Variants in BAZ2B observed in about 807,000 individuals in gnomAD.
The protein encoded by BAZ2B is bromodomain adjacent to zinc finger domain 2B, also known as bromodomain adjacent to zinc finger domain protein 2B.
Under a neutral mutation model 246.0 loss-of-function variants are expected in BAZ2B, and 91 were observed. That is an observed-to-expected ratio of 0.37 (90% CI 0.31 to 0.44). The LOEUF is 0.44. Among genes scored for constraint, BAZ2B ranks in the 20% least tolerant of loss-of-function variants. BAZ2B has a pLI of 1.00. For missense variants in BAZ2B, 2,332 were observed against 2,533.7 expected, an observed-to-expected ratio of 0.92 and a Z score of 1.71; for synonymous variants, 855 against 860.0, an observed-to-expected ratio of 0.99 and a Z score of 0.10.
At chr2:159,338,282 A>G (rs1392701789) in intron 31 of BAZ2B, among the ~76,000 whole-genome samples, 1 of 152,130 alleles carries the variant, frequency 6.6e-6, no homozygotes, top group Non-Finnish European at 1.5e-5. Flanking sequence ...GTCTCATGTT[A>G]AGATTCACTT....
chr2:159,566,137 G>A (rs548388732), intron 1 of BAZ2B, among the ~76,000 whole-genome samples: 6 of 152,084 alleles, frequency 3.9e-5, no homozygotes, highest in East Asian at 1.9e-4. Flanking sequence ...TCAGCCTCCC[G>A]AGTAGTTGAG....
chr2:159,318,366 A>G (rs527590148), downstream of BAZ2B, among the ~76,000 whole-genome samples: 10 of 152,378 alleles, frequency 6.6e-5, no homozygotes, highest in African/African-American at 1.7e-4. Flanking sequence ...GATTTTTCAT[A>G]TAAGTCTTCA....
chr2:159,549,873 G>C (rs1234931212), intron 2 of BAZ2B, among the ~76,000 whole-genome samples: 6 of 150,292 alleles, frequency 4.0e-5, no homozygotes, highest in African/African-American at 1.5e-4. Context: ...GCCCAGGCTG[G>C]AGTGCAGTGG....
At chr2:159,601,721 C>T (rs1431130621) in intron 1 of BAZ2B, among the ~76,000 whole-genome samples, 1 of 150,814 alleles carries the variant, frequency 6.6e-6, no homozygotes, top group Non-Finnish European at 1.5e-5. Flanking sequence ...AACTCTGTCT[C>T]AAAATAAAAA....
At chr2:159,499,957 T>C (rs576648252) in intron 2 of BAZ2B, among the ~76,000 whole-genome samples, 1 of 152,306 alleles carries the variant, frequency 6.6e-6, no homozygotes, top group African/African-American at 2.4e-5. Flanking sequence ...TTTTCTCCCA[T>C]TTTGTAGGCT....
At chr2:159,636,013 T>C in the BAZ2B span, among the ~76,000 whole-genome samples, 1 of 152,084 alleles carries the variant, frequency 6.6e-6, no homozygotes, top group Non-Finnish European at 1.5e-5. Flanking sequence ...ACCATGTTCA[T>C]GCCACTGCAC....
intron 1 of BAZ2B, among the ~76,000 whole-genome samples, chr2:159,557,735 G>A (rs1377547814): frequency 6.6e-6 from 1 of 152,174 alleles, no homozygotes; most frequent in African/African-American, 2.4e-5. Context: ...ATTAGCTACT[G>A]AATGAATGAG....
chr2:159,381,064 A>C (rs2061943881), intron 25 of BAZ2B, among the ~76,000 whole-genome samples: 1 of 152,114 alleles, frequency 6.6e-6, no homozygotes, highest in South Asian at 2.1e-4. Flanking sequence ...CTTCTTGAAC[A>C]AGGAGCCTTG....
At chr2:159,635,380 A>G in the BAZ2B span, among the ~76,000 whole-genome samples, 577 of 151,866 alleles carry the variant, frequency 3.8e-3, 25 homozygotes, top group East Asian at 0.095. Context: ...AATAAAAAAA[A>G]TAACAAAACC....
intron 3 of BAZ2B, chr2:159,462,170 A>T: frequency 2.7e-6 from 1 of 369,586 alleles, no homozygotes; most frequent in Non-Finnish European, 5.0e-6. Context: ...TTAAAAAAAA[A>T]AGACTTACAC....
At chr2:159,368,858 T>TAAAAAAAAA (rs58161936) in intron 27 of BAZ2B, among the ~76,000 whole-genome samples, 1 of 123,866 alleles carries the variant, frequency 8.1e-6, no homozygotes, top group African/African-American at 3.4e-5. Context: ...CTGAAAGGCC[T>TAAAAAAAAA]AAAAAAAAAA....
the BAZ2B span, among the ~76,000 whole-genome samples, chr2:159,637,384 T>C: frequency 3.3e-5 from 5 of 152,322 alleles, no homozygotes; most frequent in African/African-American, 1.2e-4. Context: ...GTCTTTGGGC[T>C]TGAACTGAAC....
chr2:159,589,348 G>A (rs1028468443), intron 1 of BAZ2B, among the ~76,000 whole-genome samples: 1 of 151,464 alleles, frequency 6.6e-6, no homozygotes, highest in Non-Finnish European at 1.5e-5. Context: ...AAAATGAGGG[G>A]GCTTTAAAAA....
intron 2 of BAZ2B, among the ~76,000 whole-genome samples, chr2:159,551,186 C>T (rs192688437): frequency 1.3e-3 from 200 of 152,138 alleles, no homozygotes; most frequent in African/African-American, 4.6e-3. Flanking sequence ...TAAAAGGTTG[C>T]CGGCCGGGCA....
intron 1 of BAZ2B, among the ~76,000 whole-genome samples, chr2:159,557,592 C>T (rs2151480217): frequency 6.6e-6 from 1 of 152,256 alleles, no homozygotes. Context: ...GGTTTTCTCA[C>T]TTCAATCGGG....
intron 1 of BAZ2B, among the ~76,000 whole-genome samples, chr2:159,570,065 T>C (rs1437366859): frequency 1.3e-5 from 2 of 152,186 alleles, no homozygotes; most frequent in Admixed American, 6.5e-5. Flanking sequence ...TGAGGTACAA[T>C]ACCAGTGTAA....
intron 5 of BAZ2B, 68 bp downstream of exon 5, chr2:159,448,174 C>T (rs1456049871): frequency 6.5e-7 from 1 of 1,542,376 alleles, no homozygotes; most frequent in Non-Finnish European, 8.8e-7. Context: ...AGGTATTAAA[C>T]CTGAACATTA....
chr2:159,330,679 G>A (rs1052440804), intron 34 of BAZ2B, among the ~76,000 whole-genome samples: 2 of 149,386 alleles, frequency 1.3e-5, no homozygotes, highest in South Asian at 4.3e-4. Context: ...GGCACATAGC[G>A]AGAACCCATC....
At chr2:159,433,396 A>G in intron 8 of BAZ2B, 33 bp from the exon 9 acceptor site, 1 of 1,559,934 alleles carries the variant, frequency 6.4e-7, no homozygotes, top group Non-Finnish European at 8.7e-7. Flanking sequence ...ACACAACAAA[A>G]TGTACCACAA....
Sources: allele counts gnomAD v4.1 joint callset (sites outside exome capture counted in the v4.1 genomes callset), GRCh38; gene constraint gnomAD v4.1.1; transcripts MANE v1.5; gene names NCBI Gene and HGNC (gene_info 2026-07-23, HGNC 2026-07-21).